Variants in CDH2 observed in about 807,000 individuals in gnomAD.
CDH2 encodes the protein cadherin 2.
A neutral mutation model predicts 92.0 loss-of-function variants in CDH2; 17 were observed. That is an observed-to-expected ratio of 0.18 (90% confidence interval 0.13 to 0.28). The LOEUF is 0.28. Ranked by LOEUF, CDH2 falls within the 10% of genes least tolerant of loss-of-function variation. CDH2 has a pLI of 1.00. For synonymous variants in CDH2, 419 were observed against 415.9 expected, an observed-to-expected ratio of 1.01 and a Z score of -0.09; for missense variants, 862 against 1,133.1, an observed-to-expected ratio of 0.76 and a Z score of 3.44.
chr18:28,123,160 T>C lies in CDH2; in HGVS notation c.172+24513A>G, dbSNP rs146453445. Among the ~76,000 whole-genome samples, 382 of 152,210 alleles carry C rather than the reference T, an allele frequency of 2.5e-3. 4 individuals are homozygous for C. The highest frequency in any genetic ancestry group is 9.0e-3 in the African/African-American group (373 of 41,564). ...CCAAATATATAAATATTTTTAAAGA[T>C]AAAAACTGCTTAAAAGTCTCACTAA... On this transcript the variant is annotated intron_variant, in intron 2 of 15. Coordinates refer to ENST00000269141, the MANE Select transcript of CDH2 (RefSeq NM_001792.5).
chr18:27,986,723 T>A (rs2012246632), intron 11 of CDH2, among the ~76,000 whole-genome samples: 1 of 152,180 alleles, frequency 6.6e-6, no homozygotes. Flanking sequence ...GTTTACCAAC[T>A]TCTATGAGGA....
At chr18:28,093,205 AG>A (rs1292681101) in intron 2 of CDH2, among the ~76,000 whole-genome samples, 1 of 152,218 alleles carries the variant, frequency 6.6e-6, no homozygotes, top group Non-Finnish European at 1.5e-5. Flanking sequence ...ATAGCTATAC[AG>A]ATAGATGGAT....
intron 1 of CDH2, among the ~76,000 whole-genome samples, chr18:28,158,295 G>C (rs2016252935): frequency 1.3e-5 from 2 of 152,226 alleles, no homozygotes; most frequent in Admixed American, 6.5e-5. Flanking sequence ...ACTTATTCTG[G>C]AAGCAGCACC....
At chr18:28,174,475 C>T (rs918676347) in intron 1 of CDH2, among the ~76,000 whole-genome samples, 1 of 152,198 alleles carries the variant, frequency 6.6e-6, no homozygotes, top group Non-Finnish European at 1.5e-5. Context: ...TTCAATGTTA[C>T]TGCTTGACTT....
At chr18:28,150,651 G>A (rs953778284) in intron 1 of CDH2, among the ~76,000 whole-genome samples, 1 of 152,056 alleles carries the variant, frequency 6.6e-6, no homozygotes, top group Non-Finnish European at 1.5e-5. Context: ...TTGGCCATGA[G>A]AATTATTGAA....
At chr18:28,045,508 T>C (rs925655044) in intron 2 of CDH2, 3 of 451,748 alleles carry the variant, frequency 6.6e-6, no homozygotes, top group Admixed American at 2.5e-5. Context: ...TTCCATTGTA[T>C]TCAATTGCTT....
intron 3 of CDH2, 37 bp downstream of exon 3, chr18:28,013,646 T>A (rs746207269): frequency 6.7e-7 from 1 of 1,494,548 alleles, no homozygotes; most frequent in South Asian, 1.1e-5. Flanking sequence ...TAAAGCTGAT[T>A]TTTAACCAGC....
chr18:27,978,323 C>T (rs1256068184), intron 14 of CDH2, among the ~76,000 whole-genome samples: 5 of 152,072 alleles, frequency 3.3e-5, no homozygotes, highest in African/African-American at 1.2e-4. Flanking sequence ...CTACAGTAAT[C>T]GAAACAACAT....
chr18:28,076,611 T>C (rs1216054551), intron 2 of CDH2, among the ~76,000 whole-genome samples: 2 of 152,084 alleles, frequency 1.3e-5, no homozygotes, highest in African/African-American at 4.8e-5. Flanking sequence ...TACATATGTA[T>C]ACATGTGCCA....
At chr18:28,118,232 G>C (rs1318135843) in intron 2 of CDH2, among the ~76,000 whole-genome samples, 5 of 151,912 alleles carry the variant, frequency 3.3e-5, no homozygotes, top group Non-Finnish European at 7.4e-5. Flanking sequence ...GTTTGAGATG[G>C]AAAGAAGAGT....
At chr18:27,975,599 G>T (rs1013861792) in intron 14 of CDH2, among the ~76,000 whole-genome samples, 1 of 152,230 alleles carries the variant, frequency 6.6e-6, no homozygotes, top group Non-Finnish European at 1.5e-5. Context: ...GGCCCCAGAG[G>T]GCGTGTTACA....
chr18:28,088,432 C>A (rs1424557509), intron 2 of CDH2, among the ~76,000 whole-genome samples: 1 of 152,048 alleles, frequency 6.6e-6, no homozygotes, highest in Admixed American at 6.5e-5. Context: ...TTTTTTCATT[C>A]GAATTAAATT....
At chr18:28,070,967 T>C (rs1209164478) in intron 2 of CDH2, among the ~76,000 whole-genome samples, 2 of 152,256 alleles carry the variant, frequency 1.3e-5, no homozygotes, top group East Asian at 1.9e-4. Context: ...GCCCCAAGCA[T>C]TGATATGATT....
At chr18:28,084,185 T>C (rs1220538624) in intron 2 of CDH2, among the ~76,000 whole-genome samples, 2 of 152,122 alleles carry the variant, frequency 1.3e-5, no homozygotes, top group East Asian at 3.9e-4. Flanking sequence ...TTAGAAATAA[T>C]CACTCAGGCA....
chr18:28,172,511 A>C (rs541923371), intron 1 of CDH2, among the ~76,000 whole-genome samples: 1 of 152,298 alleles, frequency 6.6e-6, no homozygotes. Flanking sequence ...ATAAAAATAA[A>C]ATTTTAGTAG....
chr18:27,990,543 T>C (rs1206269364), intron 9 of CDH2, among the ~76,000 whole-genome samples, 193 bp from the exon 10 acceptor site: 1 of 152,184 alleles, frequency 6.6e-6, no homozygotes, highest in African/African-American at 2.4e-5. Context: ...TTTAACCTAA[T>C]TATAAATCTT....
At chr18:28,051,370 T>C (rs557071546) in intron 2 of CDH2, among the ~76,000 whole-genome samples, 1 of 152,240 alleles carries the variant, frequency 6.6e-6, no homozygotes, top group East Asian at 1.9e-4. Context: ...AAATACTAAA[T>C]AGATTTCAAA....
At chr18:28,176,557 C>A (rs1469395696) in intron 1 of CDH2, among the ~76,000 whole-genome samples, 2 of 152,114 alleles carry the variant, frequency 1.3e-5, no homozygotes, top group Non-Finnish European at 2.9e-5. Context: ...GCGACCCATC[C>A]CTGCAGAAAT....
In CDH2 at chr18:28,147,796, GAAAAA is replaced by G; in HGVS notation, c.61-17_61-13del. On this transcript the variant is annotated splice_polypyrimidine_tract_variant and intron_variant, in intron 1 of 15. Coordinates refer to ENST00000269141, the MANE Select transcript of CDH2 (RefSeq NM_001792.5). ...GCCTCTACAGACGCCTGCAACACAA[GAAAAA>G]AAAAAAAAATGTGTGCAATGATTGC... is the stretch of plus-strand genomic sequence containing the variant. The G allele has an allele frequency of 9.2e-7, 1 of 1,092,516 alleles. No homozygotes were observed. Among genetic ancestry groups the G allele is most frequent in the Non-Finnish European group, 1.3e-6 (1 of 771,116 alleles). The allele number at this position is 1,092,516 out of a possible 1,614,324, so 67.7% of individuals were successfully genotyped here. A position where few individuals can be genotyped will look rare whatever the true frequency, so the allele number is the denominator to read the frequency against.
Sources: allele counts gnomAD v4.1 joint callset (sites outside exome capture counted in the v4.1 genomes callset), GRCh38; gene constraint gnomAD v4.1.1; transcripts MANE v1.5; gene names NCBI Gene and HGNC (gene_info 2026-07-23, HGNC 2026-07-21).